The following WDPCP variants were observed in gnomAD, a reference collection of about 807,000 sequenced individuals.
WDPCP encodes WD repeat containing planar cell polarity effector.
In WDPCP, 71 loss-of-function variants were observed where a neutral mutation model predicts 93.1. The ratio of observed to expected loss-of-function variants is 0.76; its 90% CI spans 0.63 to 0.93. WDPCP has a LOEUF of 0.93. Among genes scored for constraint, WDPCP ranks in the 40% least tolerant of loss-of-function variants. WDPCP has a pLI of 0.00. For synonymous variants in WDPCP, 315 were observed against 315.0 expected (o/e 1.00, Z 0.00); for missense variants, 844 against 887.4 (o/e 0.95, Z 0.62).
chr2:63,786,597 G>C (rs1159415183), intron 2 of WDPCP, among the ~76,000 whole-genome samples: 1 of 152,132 alleles, frequency 6.6e-6, no homozygotes, highest in Non-Finnish European at 1.5e-5. Flanking sequence ...TTAAGTGTCA[G>C]CCTCTCACTT....
At chr2:63,229,599 T>A (rs1161152613) in intron 14 of WDPCP, 2 of 152,116 alleles carry the variant, frequency 1.3e-5, no homozygotes, top group Non-Finnish European at 2.9e-5. Context: ...CCATCTTGAA[T>A]TAATTTTTGT....
intron 14 of WDPCP, chr2:63,229,925 A>G (rs1678684614): frequency 6.4e-6 from 1 of 156,116 alleles, no homozygotes; most frequent in Non-Finnish European, 1.4e-5. Context: ...AAATAAGCGT[A>G]ACTAGTTTTT....
intron 3 of WDPCP, among the ~76,000 whole-genome samples, chr2:63,624,397 T>C (rs1167727474): frequency 1.3e-5 from 2 of 152,128 alleles, no homozygotes; most frequent in African/African-American, 4.8e-5. Flanking sequence ...CAGGAGCTGG[T>C]TTTTTGAAAA....
chr2:63,281,842 T>C (rs970579716), intron 13 of WDPCP, among the ~76,000 whole-genome samples: 2 of 151,998 alleles, frequency 1.3e-5, no homozygotes, highest in African/African-American at 4.8e-5. Context: ...GGGGGTGCGG[T>C]GAATGATAAA....
At chr2:63,166,433 G>A (rs558465472) in intron 15 of WDPCP, among the ~76,000 whole-genome samples, 1 of 151,776 alleles carries the variant, frequency 6.6e-6, no homozygotes, top group African/African-American at 2.4e-5. Context: ...TTGAGACAGG[G>A]TCTTGCTCTG....
intron 2 of WDPCP, among the ~76,000 whole-genome samples, chr2:63,738,584 G>C (rs1421376572): frequency 6.6e-6 from 1 of 152,096 alleles, no homozygotes; most frequent in East Asian, 1.9e-4. Flanking sequence ...AAGCATATCT[G>C]TATTTGAAAT....
chr2:63,525,896 T>G (rs1703304328), intron 1 of WDPCP, among the ~76,000 whole-genome samples: 1 of 152,206 alleles, frequency 6.6e-6, no homozygotes, highest in African/African-American at 2.4e-5. Flanking sequence ...CTCCCATCTG[T>G]GTCTGTAATA....
chr2:63,628,094 A>T (rs914738162), intron 3 of WDPCP, among the ~76,000 whole-genome samples: 1 of 152,138 alleles, frequency 6.6e-6, no homozygotes, highest in Non-Finnish European at 1.5e-5. Context: ...TGGTCCTGCT[A>T]GGGGTTGAGA....
At chr2:63,835,608 C>A in the WDPCP span, among the ~76,000 whole-genome samples, 1 of 150,244 alleles carries the variant, frequency 6.7e-6, no homozygotes, top group Non-Finnish European at 1.5e-5. Flanking sequence ...GGTTCTGTCA[C>A]ATAGTAGCTA....
chr2:63,821,834 T>G (rs1671023080), intron 1 of WDPCP, among the ~76,000 whole-genome samples: 2 of 152,072 alleles, frequency 1.3e-5, no homozygotes, highest in Admixed American at 6.6e-5. Flanking sequence ...TATCAAAGGA[T>G]TTCAGAAAAA....
chr2:63,443,453 A>T (rs995151865), intron 6 of WDPCP, among the ~76,000 whole-genome samples: 14 of 152,314 alleles, frequency 9.2e-5, no homozygotes, highest in African/African-American at 3.4e-4. Context: ...CAGAGAGAAG[A>T]GCTAATGCAA....
Position 63,452,589 on chromosome 2 carries a change from C to G in WDPCP, c.385-12718G>C, listed in dbSNP as rs546332716. On this transcript the variant is annotated intron_variant, in intron 6 of 17. Transcript: ENST00000272321. The stretch of plus-strand genomic sequence containing the variant: ...ACTTTCTTCACAGAATTGGAAAAAA[C>G]TACTTTAAAGTTCATATGGAACCAA... Among the ~76,000 whole-genome samples, 16 of 152,260 alleles carry G rather than the reference C, an allele frequency of 1.1e-4. 1 individual carries two copies. Among genetic ancestry groups the G allele is most frequent in the African/African-American group, 3.6e-4 (15 of 41,556 alleles).
intron 12 of WDPCP, among the ~76,000 whole-genome samples, chr2:63,327,647 A>C (rs528459708): frequency 6.6e-6 from 1 of 152,280 alleles, no homozygotes; most frequent in South Asian, 2.1e-4. Flanking sequence ...CCCGGCATTT[A>C]CAGGAAAAGG....
intron 17 of WDPCP, among the ~76,000 whole-genome samples, chr2:63,132,605 T>A (rs1670363019): frequency 6.6e-6 from 1 of 151,152 alleles, no homozygotes; most frequent in African/African-American, 2.4e-5. Context: ...TCTGTCCAAG[T>A]CTGCTATTGA....
rs572793456 is a variant in WDPCP at position 63,426,096 on chromosome 2, C to A, written c.825+7649G>T. Among the ~76,000 whole-genome samples, 8 of 152,174 alleles carry A rather than the reference C, an allele frequency of 5.3e-5. No homozygotes were observed. The East Asian group carries it at 9.7e-4, about 18-fold the overall frequency. ...GGCTCACGCCTGTAATCCCAGCACT[C>A]TTGGGAGGCCGAGGCAGGCGGATCA... On this transcript the variant is annotated intron_variant, in intron 9 of 17. Transcript: ENST00000272321.
chr2:63,351,230 C>T (rs2104553311), intron 12 of WDPCP, among the ~76,000 whole-genome samples: 1 of 152,262 alleles, frequency 6.6e-6, no homozygotes, highest in East Asian at 1.9e-4. Flanking sequence ...GATCCATCCA[C>T]CTCGGCCTCC....
At chr2:63,470,084 T>C (rs1699605187) in intron 6 of WDPCP, among the ~76,000 whole-genome samples, 2 of 152,078 alleles carry the variant, frequency 1.3e-5, no homozygotes, top group Admixed American at 1.3e-4. Context: ...CTCCATTCTG[T>C]CTCCTTTCTT....
At chr2:63,440,025 A>G (rs1697401436) in intron 6 of WDPCP, 154 bp from the exon 7 acceptor site, 1 of 623,558 alleles carries the variant, frequency 1.6e-6, no homozygotes, top group Non-Finnish European at 2.9e-6. Flanking sequence ...AAAAACAATT[A>G]CTGACATTGT....
rs150907600 is a variant in WDPCP, at chr2:63,313,358, TAAAAG to T, written c.1749-52_1749-48del. 1.2e-4 allele frequency: 187 copies of T among 1,556,952 alleles called. No homozygotes were observed. The East Asian group carries it at 2.9e-3, about 24-fold the overall frequency. Reference sequence around the variant, plus strand: ...TATGTTAGTTGTGAACAAGAATATATAAAAGAAAAGAGCTGTTTATTTAACATATA... The same window carrying T: ...TATGTTAGTTGTGAACAAGAATATATAAAAGAGCTGTTTATTTAACATATA... On this transcript the variant is annotated intron_variant, in intron 12 of 17. Transcript: ENST00000272321.
Sources: allele counts gnomAD v4.1 joint callset (sites outside exome capture counted in the v4.1 genomes callset), GRCh38; gene constraint gnomAD v4.1.1; transcripts MANE v1.5; gene names NCBI Gene and HGNC (gene_info 2026-07-23, HGNC 2026-07-21).